Variants in TAF4B observed in about 807,000 individuals in gnomAD.
TAF4B encodes transcription initiation factor TFIID subunit 4B.
In TAF4B, 38 loss-of-function variants were observed where a neutral mutation model predicts 86.4. The observed-to-expected ratio is 0.44, with a 90% CI of 0.34 to 0.58. The LOEUF (loss-of-function observed/expected upper bound fraction) is 0.58, where lower values mean the gene tolerates loss of function less well. TAF4B is among the 20% of genes least tolerant of loss of function. The probability of loss-of-function intolerance (pLI) is 0.02; values close to 1 mark genes in which losing one functional copy is unlikely to be tolerated. For synonymous variants in TAF4B, 388 were observed against 391.2 expected (o/e 0.99, Z 0.10); for missense variants, 988 against 1,027.6 (o/e 0.96, Z 0.53).
At chr18:26,349,824 C>T (rs765141906) in intron 13 of TAF4B, among the ~76,000 whole-genome samples, 6 of 152,144 alleles carry the variant, frequency 3.9e-5, no homozygotes, top group Non-Finnish European at 5.9e-5. Flanking sequence ...ACTGTAGTCA[C>T]CGAAATAGCA....
Position 26,292,392 on chromosome 18 carries a change from G to A in TAF4B, c.1726+11G>A, listed in dbSNP as rs375768217. On this transcript the variant is annotated intron_variant, in intron 8 of 14. Coordinates refer to ENST00000269142, the MANE Select transcript of TAF4B (RefSeq NM_005640.3). ...GTCAGTTTCCTCCAGGTAGATGCTGGTCCATCTCAGTCCCATCATGCTGGG... is the reference window on the plus strand; with the variant it reads ...GTCAGTTTCCTCCAGGTAGATGCTGATCCATCTCAGTCCCATCATGCTGGG... 5.0e-6 allele frequency: 8 copies of A among 1,603,620 alleles called. No homozygotes were observed. The African/African-American group carries it at 1.1e-4, about 22-fold the overall frequency.
rs545350366 is a variant in TAF4B, at chr18:26,269,304, C to T, written c.597+1681C>T. On this transcript the variant is annotated intron_variant, in intron 3 of 14. Transcript: ENST00000269142. ...TGATTCCTTGATCTATGGGTTTGTC[C>T]TGTTGGGGACATAGTACTATATGGA... 9.1e-4 allele frequency among the ~76,000 whole-genome samples: 138 copies of T among 152,150 alleles called. 1 individual carries two copies. Among genetic ancestry groups the T allele is most frequent in the Non-Finnish European group, 1.6e-3 (107 of 68,020 alleles).
chr18:26,270,361 T>C (rs1001286434), intron 3 of TAF4B, among the ~76,000 whole-genome samples: 3 of 152,218 alleles, frequency 2.0e-5, no homozygotes, highest in African/African-American at 7.2e-5. Flanking sequence ...ACAATTCTAT[T>C]TCTGTGCTCT....
chr18:26,382,757 C>G (rs1396267521), intron 14 of TAF4B, among the ~76,000 whole-genome samples: 3 of 152,110 alleles, frequency 2.0e-5, no homozygotes, highest in Non-Finnish European at 2.9e-5. Context: ...ACCTAAATGC[C>G]AAACACTGTA....
chr18:26,227,810 T>G (rs539715943), intron 1 of TAF4B, among the ~76,000 whole-genome samples: 1 of 152,346 alleles, frequency 6.6e-6, no homozygotes, highest in East Asian at 1.9e-4. Flanking sequence ...AGCCACCGCG[T>G]ACGGCCTAAC....
chr18:26,278,963 A>C (rs1445968204), intron 5 of TAF4B, among the ~76,000 whole-genome samples: 4 of 151,746 alleles, frequency 2.6e-5, no homozygotes, highest in African/African-American at 9.7e-5. Context: ...ATTTCCCTTG[A>C]GAATTGGAAC....
chr18:26,271,770 A>C (rs1353027795), intron 3 of TAF4B, among the ~76,000 whole-genome samples: 1 of 151,960 alleles, frequency 6.6e-6, no homozygotes. Flanking sequence ...CTAAACATTC[A>C]AAAATGAGCC....
rs947233072 is a variant in TAF4B at position 26,256,174 on chromosome 18, T to C, written c.344-8996T>C. 3.1e-6 allele frequency: 5 copies of C among 1,611,052 alleles called. No homozygotes were observed. The Admixed American group carries it at 6.7e-5, about 21-fold the overall frequency. On this transcript the variant is annotated intron_variant, in intron 1 of 14. Coordinates refer to ENST00000269142, the MANE Select transcript of TAF4B (RefSeq NM_005640.3). Reference sequence around the variant, plus strand: ...GATCCTGCTGGCAACTTCTTCCATCTTTTCACAAGCAGGACACAGGCATTG... The same window carrying C: ...GATCCTGCTGGCAACTTCTTCCATCCTTTCACAAGCAGGACACAGGCATTG...
chr18:26,354,639 T>C (rs1432260780), intron 13 of TAF4B, among the ~76,000 whole-genome samples: 1 of 152,204 alleles, frequency 6.6e-6, no homozygotes. Context: ...CTCAGAAGTT[T>C]GGTCAAGGAG....
rs78568667 is a variant in TAF4B at position 26,306,763 on chromosome 18, G to GTTATTTAT, written c.1833-8443_1833-8436dup. Among the ~76,000 whole-genome samples the GTTATTTAT allele has an allele frequency of 1.9e-3, 289 of 151,106 alleles. 2 individuals are homozygous for GTTATTTAT. The highest frequency in any genetic ancestry group is 6.8e-3 in the East Asian group (35 of 5,168). ...TTCCCTGGATACTTACATCACTTCA[G>GTTATTTAT]TTATTTATTTATTTATTTATTTATT... is the stretch of plus-strand genomic sequence containing the variant. On this transcript the variant is annotated intron_variant, in intron 9 of 14. Coordinates refer to ENST00000269142, the MANE Select transcript of TAF4B (RefSeq NM_005640.3).
intron 9 of TAF4B, among the ~76,000 whole-genome samples, chr18:26,294,796 G>A (rs573719517): frequency 6.7e-6 from 1 of 150,152 alleles, no homozygotes; most frequent in Non-Finnish European, 1.5e-5. Context: ...GGTAATAGAT[G>A]GGAATTAAAG....
intron 13 of TAF4B, among the ~76,000 whole-genome samples, chr18:26,351,855 G>C (rs1431569690): frequency 2.6e-5 from 4 of 152,098 alleles, no homozygotes; most frequent in Non-Finnish European, 5.9e-5. Context: ...GATTTTCACT[G>C]TATGTATGTG....
At chr18:26,323,888 G>A (rs2056982882) in intron 11 of TAF4B, among the ~76,000 whole-genome samples, 1 of 152,210 alleles carries the variant, frequency 6.6e-6, no homozygotes, top group South Asian at 2.1e-4. Flanking sequence ...TCTCTTTGAA[G>A]AGCTTACTCC....
chr18:26,375,962 ATTC>A (rs2057439933), intron 14 of TAF4B, among the ~76,000 whole-genome samples: 1 of 152,092 alleles, frequency 6.6e-6, no homozygotes, highest in Admixed American at 6.5e-5. Context: ...TGAAAACATT[ATTC>A]TTTCCCCATT....
chr18:26,345,316 C>A (rs1223444420), intron 13 of TAF4B, among the ~76,000 whole-genome samples: 1 of 152,212 alleles, frequency 6.6e-6, no homozygotes, highest in Non-Finnish European at 1.5e-5. Context: ...ACCAGTCAGG[C>A]ATCTGTGCAC....
intron 10 of TAF4B, among the ~76,000 whole-genome samples, chr18:26,319,596 A>AT (rs33983217): frequency 6.6e-6 from 1 of 151,062 alleles, no homozygotes; most frequent in Admixed American, 6.6e-5. Flanking sequence ...TTTAATTTTT[A>AT]TTTTTTTTTT....
rs139145779 is a variant in TAF4B, at chr18:26,233,516, T to C, written c.343+6240T>C. On this transcript the variant is annotated intron_variant, in intron 1 of 14. Coordinates refer to ENST00000269142, the MANE Select transcript of TAF4B (RefSeq NM_005640.3). ...TGTTTGGGTGACTCAGAAGTTACTA[T>C]GATCAGTTGGGGCTTGAAGTTGTAG... 7.9e-3 allele frequency among the ~76,000 whole-genome samples: 1,208 copies of C among 152,254 alleles called. 15 individuals carry two copies. The highest frequency in any genetic ancestry group is 0.028 in the African/African-American group (1,144 of 41,528).
In TAF4B at chr18:26,390,270, A is replaced by G. The variant is rs560766608; in HGVS notation, c.*258A>G. ...AGGCATCTGCCTATCTGTGCATTAA[A>G]TTAAAGCAAGTTAAGGCCCTATTTG... On this transcript the variant is annotated 3_prime_UTR_variant, in exon 15 of 15. Transcript: ENST00000269142. 3.0e-4 allele frequency: 105 copies of G among 350,238 alleles called. 2 individuals carry two copies. In the South Asian group the frequency reaches 8.9e-3, roughly 30 times the overall value. The allele number at this position is 350,238 out of a possible 1,614,324, so 21.7% of individuals were successfully genotyped here.
rs1212422063 is a variant in TAF4B at position 26,315,146 on chromosome 18, G to GTC, written c.1833-68_1833-67dup. The GTC allele has an allele frequency of 1.6e-3, 242 of 151,922 alleles. 5 individuals carry two copies. Among genetic ancestry groups the GTC allele is most frequent in the East Asian group, 5.6e-3 (57 of 10,200 alleles). The allele number at this position is 151,922 out of a possible 1,614,324, so 9.4% of individuals were successfully genotyped here. Reference sequence around the variant, plus strand: ...TCTCTCTCTCTCTCTCTCTCTCTCTGTCTCTCTCTCTCTCTCACACACACA... The same window carrying GTC: ...TCTCTCTCTCTCTCTCTCTCTCTCTGTCTCTCTCTCTCTCTCTCACACACACA... On this transcript the variant is annotated intron_variant, in intron 9 of 14. Coordinates refer to ENST00000269142, the MANE Select transcript of TAF4B (RefSeq NM_005640.3).
Sources: gnomAD v4.1 joint callset for allele counts (sites outside exome capture counted in the v4.1 genomes callset) on GRCh38, gnomAD v4.1.1 for gene constraint, MANE v1.5 for transcripts, NCBI Gene and HGNC (gene_info 2026-07-23, HGNC 2026-07-21) for gene names.